Variants in DIP2C observed in about 807,000 individuals in gnomAD.
DIP2C encodes DIP2 acetate--CoA ligase C (putative).
Under a neutral mutation model 192.4 loss-of-function variants are expected in DIP2C, and 33 were observed. The ratio of observed to expected loss-of-function variants is 0.17; its 90% CI spans 0.13 to 0.23. The LOEUF (loss-of-function observed/expected upper bound fraction) is 0.23. Ranked by LOEUF, DIP2C falls within the 10% of genes least tolerant of loss-of-function variation. The pLI, the probability that DIP2C is intolerant of heterozygous loss-of-function variation, is 1.00. For synonymous variants in DIP2C, 979 were observed against 864.1 expected (o/e 1.13, Z -2.33); for missense variants, 1,537 against 2,110.1 (o/e 0.73, Z 5.32).
At chr10:440,361 G>T (rs1291592688) in intron 4 of DIP2C, among the ~76,000 whole-genome samples, 1 of 152,190 alleles carries the variant, frequency 6.6e-6, no homozygotes, top group Non-Finnish European at 1.5e-5. Flanking sequence ...GAGTTGAGTG[G>T]TTGTGACAGA....
chr10:484,961 G>T, intron 2 of DIP2C: 1 of 1,592,126 alleles, frequency 6.3e-7, no homozygotes, highest in Non-Finnish European at 8.5e-7. Context: ...GTAACAAGTT[G>T]AAAAAAAACT....
intron 25 of DIP2C, 84 bp downstream of exon 25, chr10:349,247 G>A: frequency 6.5e-7 from 1 of 1,534,768 alleles, no homozygotes; most frequent in Non-Finnish European, 8.8e-7. Context: ...CCTCGGCTCA[G>A]GCACCAGCGG....
chr10:388,063 G>T (rs541659268), intron 13 of DIP2C, among the ~76,000 whole-genome samples: 1 of 151,998 alleles, frequency 6.6e-6, no homozygotes, highest in Admixed American at 6.6e-5. Flanking sequence ...AAAACGCAGC[G>T]TTCCTTCTCC....
chr10:542,725 C>T (rs769565982), intron 1 of DIP2C, among the ~76,000 whole-genome samples: 1 of 151,874 alleles, frequency 6.6e-6, no homozygotes, highest in Non-Finnish European at 1.5e-5. Context: ...TCATCAGATC[C>T]CAGTTCTTAT....
At chr10:524,566 A>C (rs1846935480) in intron 1 of DIP2C, among the ~76,000 whole-genome samples, 3 of 152,244 alleles carry the variant, frequency 2.0e-5, no homozygotes, top group Admixed American at 2.0e-4. Flanking sequence ...CAAATCTCAA[A>C]GATCTCAGAA....
At chr10:505,965 G>A (rs190521262) in intron 1 of DIP2C, among the ~76,000 whole-genome samples, 2 of 152,224 alleles carry the variant, frequency 1.3e-5, no homozygotes, top group African/African-American at 2.4e-5. Flanking sequence ...TTCTCCTGGA[G>A]AAGTAAAGAA....
intron 6 of DIP2C, among the ~76,000 whole-genome samples, chr10:418,288 C>CCACCTG (rs1554849722): frequency 2.9e-5 from 4 of 139,090 alleles, no homozygotes; most frequent in Admixed American, 2.8e-4. Context: ...GCATCCCCGT[C>CCACCTG]CACCTGTCGG....
At chr10:425,453 A>G (rs903445354) in intron 4 of DIP2C, among the ~76,000 whole-genome samples, 10 of 151,492 alleles carry the variant, frequency 6.6e-5, no homozygotes, top group East Asian at 1.9e-4. Context: ...CGGATGATAC[A>G]GCATGACCAG....
intron 1 of DIP2C, among the ~76,000 whole-genome samples, chr10:579,797 G>A (rs1033270964): frequency 5.9e-5 from 9 of 151,882 alleles, no homozygotes; most frequent in South Asian, 2.1e-4. Context: ...TATAGCATAT[G>A]TACATAGGTA....
At chr10:650,840 C>T (rs568008777) in intron 1 of DIP2C, 1 of 715,132 alleles carries the variant, frequency 1.4e-6, no homozygotes, top group East Asian at 2.7e-5. Context: ...TGCCTCAGCC[C>T]CCACTTGTGA....
At chr10:638,213 G>A (rs1564292617) in intron 1 of DIP2C, among the ~76,000 whole-genome samples, 1 of 152,234 alleles carries the variant, frequency 6.6e-6, no homozygotes, top group African/African-American at 2.4e-5. Flanking sequence ...TAAATGCAAT[G>A]TTATTTCAGA....
intron 2 of DIP2C, among the ~76,000 whole-genome samples, chr10:475,645 T>C (rs1244296980): frequency 6.6e-6 from 1 of 152,208 alleles, no homozygotes; most frequent in African/African-American, 2.4e-5. Flanking sequence ...AACAAAAGTC[T>C]GAAAACAAAT....
At chr10:292,848 G>A (rs981448184) in intron 32 of DIP2C, among the ~76,000 whole-genome samples, 1 of 152,164 alleles carries the variant, frequency 6.6e-6, no homozygotes, top group South Asian at 2.1e-4. Context: ...CTCACCCAGG[G>A]GCAAGGAGCC....
At chr10:311,559 C>A in intron 31 of DIP2C, 1 of 1,232,510 alleles carries the variant, frequency 8.1e-7, no homozygotes, top group Non-Finnish European at 1.0e-6. Context: ...GGTCCACAGC[C>A]TGTGAGGCTA....
At chr10:560,460 GCA>G (rs1306919101) in intron 1 of DIP2C, among the ~76,000 whole-genome samples, 47 of 152,130 alleles carry the variant, frequency 3.1e-4, no homozygotes, top group Admixed American at 3.0e-3. Context: ...TAATGTATCA[GCA>G]CACAGACTTC....
At chr10:504,342 C>T (rs562003988) in intron 1 of DIP2C, among the ~76,000 whole-genome samples, 1 of 152,244 alleles carries the variant, frequency 6.6e-6, no homozygotes, top group African/African-American at 2.4e-5. Flanking sequence ...TCCATGCAGG[C>T]GTGCCGAGGC....
At chr10:479,458 CGAG>C (rs1843427117) in intron 2 of DIP2C, among the ~76,000 whole-genome samples, 1 of 151,480 alleles carries the variant, frequency 6.6e-6, no homozygotes, top group Non-Finnish European at 1.5e-5. Context: ...CTCAGCGTCC[CGAG>C]GAGCTGGAAT....
At chr10:485,840 T>C (rs957033437) in intron 2 of DIP2C, among the ~76,000 whole-genome samples, 1 of 152,254 alleles carries the variant, frequency 6.6e-6, no homozygotes, top group Non-Finnish European at 1.5e-5. Flanking sequence ...TTGGGCTGAA[T>C]TGAGCTTGCC....
chr10:619,267 G>A (rs1588618149), intron 1 of DIP2C, among the ~76,000 whole-genome samples: 1 of 152,160 alleles, frequency 6.6e-6, no homozygotes, highest in African/African-American at 2.4e-5. Flanking sequence ...CAAACTTAGT[G>A]CCCCAAACAA....
Sources: allele counts gnomAD v4.1 joint callset (sites outside exome capture counted in the v4.1 genomes callset), GRCh38; gene constraint gnomAD v4.1.1; transcripts MANE v1.5; gene names NCBI Gene and HGNC (gene_info 2026-07-23, HGNC 2026-07-21).